Variants in ARB2A observed in about 807,000 individuals in gnomAD.
ARB2A encodes ARB2 cotranscriptional regulator A.
At chr5:93,773,487 G>A in the ARB2A span, among the ~76,000 whole-genome samples, 1 of 152,154 alleles carries the variant, frequency 6.6e-6, no homozygotes, top group Non-Finnish European at 1.5e-5. Context: ...ATTCAGGCAG[G>A]ACGCTAATGG....
the ARB2A span, among the ~76,000 whole-genome samples, chr5:93,785,922 T>C: frequency 2.0e-5 from 3 of 152,258 alleles, no homozygotes; most frequent in South Asian, 6.2e-4. Flanking sequence ...TTGGATCACA[T>C]TGGCACTAGC....
At chr5:93,755,909 G>A in the ARB2A span, among the ~76,000 whole-genome samples, 2 of 152,196 alleles carry the variant, frequency 1.3e-5, no homozygotes, top group African/African-American at 2.4e-5. Flanking sequence ...GTGCAAATCC[G>A]GTGTGCAGAC....
chr5:93,741,294 G>T, the ARB2A span: 1 of 1,613,688 alleles, frequency 6.2e-7, no homozygotes, highest in Non-Finnish European at 8.5e-7. Context: ...GTCGCAACCA[G>T]TCCCCTGCCT....
At chr5:93,863,744 G>T in the ARB2A span, 2 of 151,906 alleles carry the variant, frequency 1.3e-5, no homozygotes, top group African/African-American at 2.4e-5. Flanking sequence ...TAGCTCAATG[G>T]TTGCTATTGC....
At chr5:94,007,947 T>A in the ARB2A span, among the ~76,000 whole-genome samples, 158 of 152,334 alleles carry the variant, frequency 1.0e-3, 1 homozygote, top group African/African-American at 3.4e-3. Flanking sequence ...AGTATTACAT[T>A]ACATTACAGA....
the ARB2A span, among the ~76,000 whole-genome samples, chr5:93,759,905 A>G: frequency 6.6e-6 from 1 of 152,188 alleles, no homozygotes; most frequent in Non-Finnish European, 1.5e-5. Context: ...GAGCAATCAG[A>G]TAAGAGAAAG....
chr5:93,846,362 T>C, the ARB2A span, among the ~76,000 whole-genome samples: 1 of 148,560 alleles, frequency 6.7e-6, no homozygotes, highest in East Asian at 2.0e-4. Flanking sequence ...ATTAGCCAGG[T>C]GTAGTGGCAT....
At chr5:94,055,516 T>C in the ARB2A span, 1 of 459,286 alleles carries the variant, frequency 2.2e-6, no homozygotes, top group South Asian at 9.3e-5. Context: ...CTAACTCTTA[T>C]ATCAAATTCA....
chr5:93,964,372 CA>C, the ARB2A span: 1 of 1,031,554 alleles, frequency 9.7e-7, no homozygotes, highest in South Asian at 1.5e-5. Flanking sequence ...CAACCCAAAA[CA>C]AAAGTTTTCT....
the ARB2A span, among the ~76,000 whole-genome samples, chr5:93,907,327 A>T: frequency 6.6e-6 from 1 of 151,490 alleles, no homozygotes; most frequent in African/African-American, 2.4e-5. Flanking sequence ...GCACACTTTT[A>T]AAAAAGCCTT....
chr5:93,668,715 T>C, the ARB2A span, among the ~76,000 whole-genome samples: 1 of 152,358 alleles, frequency 6.6e-6, no homozygotes, highest in East Asian at 1.9e-4. Flanking sequence ...CACTTCACTA[T>C]GTATTTTATT....
At chr5:94,065,776 T>C in the ARB2A span, among the ~76,000 whole-genome samples, 4 of 152,162 alleles carry the variant, frequency 2.6e-5, no homozygotes, top group African/African-American at 9.7e-5. Flanking sequence ...AATAAAATAA[T>C]AGTTGGGGAC....
the ARB2A span, among the ~76,000 whole-genome samples, chr5:93,815,518 C>T: frequency 1.3e-5 from 2 of 152,164 alleles, no homozygotes; most frequent in African/African-American, 4.8e-5. Context: ...TTATTCCATT[C>T]TAATCTAAGC....
the ARB2A span, among the ~76,000 whole-genome samples, chr5:93,709,632 C>CAAAAAAAAA: frequency 7.2e-5 from 3 of 41,674 alleles, no homozygotes; most frequent in East Asian, 9.1e-4. Flanking sequence ...GACTCTGTCA[C>CAAAAAAAAA]AAAAAAAAAA....
the ARB2A span, among the ~76,000 whole-genome samples, chr5:93,701,666 C>T: frequency 1.6e-4 from 25 of 152,142 alleles, no homozygotes; most frequent in Non-Finnish European, 2.9e-4. Flanking sequence ...ATCTGCAGCA[C>T]TGCAATGCAA....
At chr5:94,050,635 T>G in the ARB2A span, 2 of 869,544 alleles carry the variant, frequency 2.3e-6, no homozygotes, top group Non-Finnish European at 1.7e-6. Context: ...AATCACATTT[T>G]GTAGAAAGAG....
the ARB2A span, among the ~76,000 whole-genome samples, chr5:93,970,125 GT>G: frequency 6.6e-6 from 1 of 152,006 alleles, no homozygotes; most frequent in African/African-American, 2.4e-5. Flanking sequence ...AATAACAACT[GT>G]TATTTTACAA....
the ARB2A span, among the ~76,000 whole-genome samples, chr5:94,050,128 C>T: frequency 1.1e-4 from 16 of 152,012 alleles, no homozygotes; most frequent in Middle Eastern, 6.8e-3. Context: ...TTTGTAGAGA[C>T]ATGGTCTTGC....
At chr5:93,657,129 T>A in the ARB2A span, among the ~76,000 whole-genome samples, 1 of 152,146 alleles carries the variant, frequency 6.6e-6, no homozygotes, top group Admixed American at 6.5e-5. Flanking sequence ...GGATGGAATA[T>A]CAATACCATA....
Sources: gnomAD v4.1 joint callset for allele counts (sites outside exome capture counted in the v4.1 genomes callset) on GRCh38, gnomAD v4.1.1 for gene constraint, MANE v1.5 for transcripts, NCBI Gene and HGNC (gene_info 2026-07-23, HGNC 2026-07-21) for gene names.